NRG1: variants seen among roughly 807,000 people sequenced by gnomAD.
NRG1 encodes the protein neuregulin 1.
In NRG1, 18 loss-of-function variants were observed where a neutral mutation model predicts 63.8. That is an observed-to-expected ratio of 0.28 (90% CI 0.19 to 0.42). NRG1 has a LOEUF of 0.42. NRG1 is among the 10% of genes least tolerant of loss of function. The probability of loss-of-function intolerance (pLI) is 1.00; values close to 1 mark genes in which losing one functional copy is unlikely to be tolerated. For synonymous variants in NRG1, 302 were observed against 301.3 expected (o/e 1.00, Z -0.02); for missense variants, 762 against 814.7 (o/e 0.94, Z 0.79).
chr8:32,056,251 G>T (rs1822916336), intron 1 of NRG1, among the ~76,000 whole-genome samples: 1 of 152,130 alleles, frequency 6.6e-6, no homozygotes, highest in Non-Finnish European at 1.5e-5. Flanking sequence ...CAATGGGAAG[G>T]AGTTGATCTT....
intron 1 of NRG1, among the ~76,000 whole-genome samples, chr8:32,585,750 A>G (rs970387010): frequency 6.6e-6 from 1 of 152,188 alleles, no homozygotes; most frequent in Non-Finnish European, 1.5e-5. Context: ...TTGCATATCT[A>G]CTGTATTTCT....
intron 1 of NRG1, among the ~76,000 whole-genome samples, chr8:31,832,922 G>A (rs562396120): frequency 6.6e-6 from 1 of 152,204 alleles, no homozygotes; most frequent in Admixed American, 6.5e-5. Flanking sequence ...AACATTCTTT[G>A]AGAATCTGAA....
chr8:32,568,440 A>G (rs1837883506), intron 1 of NRG1, among the ~76,000 whole-genome samples: 1 of 152,236 alleles, frequency 6.6e-6, no homozygotes, highest in Non-Finnish European at 1.5e-5. Context: ...TAAAAACTCA[A>G]GTATTATCAA....
intron 1 of NRG1, among the ~76,000 whole-genome samples, chr8:31,967,919 T>C (rs1200777943): frequency 1.3e-5 from 2 of 152,150 alleles, no homozygotes; most frequent in Non-Finnish European, 2.9e-5. Context: ...AGAACATCTC[T>C]ATGAAAAAAA....
intron 1 of NRG1, among the ~76,000 whole-genome samples, chr8:31,708,808 C>T (rs1410326766): frequency 1.3e-5 from 2 of 152,088 alleles, no homozygotes; most frequent in Non-Finnish European, 2.9e-5. Context: ...CCTTTATTAC[C>T]ATGACTCCAC....
intron 6 of NRG1, among the ~76,000 whole-genome samples, chr8:32,737,779 C>T (rs960573068): frequency 2.0e-5 from 3 of 149,762 alleles, no homozygotes; most frequent in Admixed American, 6.7e-5. Flanking sequence ...TGGGTTCAAG[C>T]GATTCTCCTG....
intron 1 of NRG1, among the ~76,000 whole-genome samples, chr8:32,206,850 G>A (rs1420205319): frequency 2.6e-5 from 4 of 152,144 alleles, no homozygotes; most frequent in South Asian, 2.1e-4. Flanking sequence ...ACGTGTACAC[G>A]TTATTTAGCA....
chr8:31,979,463 C>T (rs575038524), intron 1 of NRG1, among the ~76,000 whole-genome samples: 70 of 152,194 alleles, frequency 4.6e-4, no homozygotes, highest in African/African-American at 1.6e-3. Context: ...TCTTCAACTC[C>T]CAACTCCTGT....
At chr8:32,422,076 G>C (rs1040665374) in intron 1 of NRG1, among the ~76,000 whole-genome samples, 1 of 151,908 alleles carries the variant, frequency 6.6e-6, no homozygotes, top group African/African-American at 2.4e-5. Context: ...TAAAACCCCA[G>C]ACCTCATCAC....
At chr8:32,162,356 T>C (rs998751095) in intron 1 of NRG1, among the ~76,000 whole-genome samples, 3 of 152,230 alleles carry the variant, frequency 2.0e-5, no homozygotes, top group Non-Finnish European at 4.4e-5. Context: ...TGTGAAAGCA[T>C]GCGTACATTT....
chr8:32,019,260 G>A (rs1009472433), intron 1 of NRG1, among the ~76,000 whole-genome samples: 2 of 152,094 alleles, frequency 1.3e-5, no homozygotes, highest in African/African-American at 4.8e-5. Context: ...CACCAGGCCC[G>A]GCTAATTTTT....
At chr8:32,771,276 ATT>A (rs553989637), downstream of NRG1, among the ~76,000 whole-genome samples, 2,266 of 92,458 alleles carry the variant, frequency 0.025, 36 homozygotes, top group African/African-American at 0.095. Context: ...ATGCCCAGCG[ATT>A]TTTTTTTTTT....
chr8:32,480,072 A>C (rs571353212), intron 1 of NRG1, among the ~76,000 whole-genome samples: 70 of 152,316 alleles, frequency 4.6e-4, no homozygotes, highest in African/African-American at 1.5e-3. Context: ...GAGGTGCAAA[A>C]GGATGAGAAG....
intron 1 of NRG1, among the ~76,000 whole-genome samples, chr8:31,966,629 C>T (rs1464331038): frequency 1.3e-5 from 2 of 152,198 alleles, no homozygotes; most frequent in East Asian, 3.9e-4. Flanking sequence ...CTGCTTAATA[C>T]ATTTCAATCT....
intron 1 of NRG1, among the ~76,000 whole-genome samples, chr8:32,486,627 A>ATTTCTTTTTTTTTT (rs1825934620): frequency 6.9e-6 from 1 of 145,518 alleles, no homozygotes; most frequent in African/African-American, 2.6e-5. Context: ...GAATTGCTGG[A>ATTTCTTTTTTTTTT]TTTTTTTTTT....
At chr8:31,919,700 A>C (rs1680168) in intron 1 of NRG1, among the ~76,000 whole-genome samples, 101,096 of 151,846 alleles carry the variant, frequency 0.67, 34,045 homozygotes, top group East Asian at 0.92. Context: ...ATTTTCATGG[A>C]ACAATGCATT....
intron 6 of NRG1, among the ~76,000 whole-genome samples, chr8:32,736,702 A>G (rs1462239266): frequency 1.3e-5 from 2 of 151,586 alleles, no homozygotes; most frequent in African/African-American, 4.9e-5. Flanking sequence ...AGGAAATATC[A>G]GCTGTATTTT....
chr8:32,537,342 C>G (rs117692091), intron 1 of NRG1, among the ~76,000 whole-genome samples: 3,187 of 152,008 alleles, frequency 0.021, 37 homozygotes, highest in Middle Eastern at 0.048. Flanking sequence ...CTACAGAAAT[C>G]CAGAAAGGGA....
chr8:31,922,645 C>T (rs182844418), intron 1 of NRG1, among the ~76,000 whole-genome samples: 2 of 152,222 alleles, frequency 1.3e-5, no homozygotes, highest in East Asian at 3.9e-4. Context: ...AAATGAGAGT[C>T]TGTGCTTTTA....
Sources: allele counts gnomAD v4.1 joint callset (sites outside exome capture counted in the v4.1 genomes callset), GRCh38; gene constraint gnomAD v4.1.1; transcripts MANE v1.5; gene names NCBI Gene and HGNC (gene_info 2026-07-23, HGNC 2026-07-21).